COL4A1: variants seen among roughly 807,000 people sequenced by gnomAD.
COL4A1 encodes collagen alpha-1(IV) chain.
COL4A1 carries 40 observed loss-of-function variants against 216.6 expected under a neutral mutation model. That is an observed-to-expected ratio of 0.18 (90% CI 0.14 to 0.24). The LOEUF is 0.24. Ranked by LOEUF, COL4A1 falls within the 10% of genes least tolerant of loss-of-function variation. The pLI is 1.00. For missense variants in COL4A1, 1,628 were observed against 2,196.8 expected, an observed-to-expected ratio of 0.74 and a Z score of 5.18; for synonymous variants, 839 against 810.7, an observed-to-expected ratio of 1.03 and a Z score of -0.59.
Position 110,255,572 on chromosome 13 carries a change from AGGGG to A in COL4A1, c.85-12842_85-12839del, listed in dbSNP as rs1374123466. Among the ~76,000 whole-genome samples the A allele has an allele frequency of 2.1e-3, 85 of 41,338 alleles. 13 individuals are homozygous for A. Among genetic ancestry groups the A allele is most frequent in the East Asian group, 5.5e-3 (10 of 1,830 alleles). The allele number at this position is 41,338 out of a possible 152,430, so 27.1% of individuals were successfully genotyped here. A position where few individuals can be genotyped will look rare whatever the true frequency, so the allele number is the denominator to read the frequency against. ...AAGGGAAGGGGGCAGGCAGGAAGGG[AGGGG>A]GCAGGCAGGCAGGAAGGGAAGGGGG... is the stretch of plus-strand genomic sequence containing the variant. On this transcript the variant is annotated intron_variant, in intron 1 of 51. Coordinates refer to ENST00000375820, the MANE Select transcript of COL4A1 (RefSeq NM_001845.6).
intron 1 of COL4A1, among the ~76,000 whole-genome samples, chr13:110,300,828 C>A (rs189690620): frequency 9.9e-5 from 15 of 152,282 alleles, no homozygotes; most frequent in African/African-American, 3.6e-4. Context: ...AATAGCTCTC[C>A]TTTATCAGGT....
rs151186561 is a variant in COL4A1 at position 110,192,858 on chromosome 13, G to A, written c.1437C>T (p.Pro479=). The A allele has an allele frequency of 2.6e-4, 420 of 1,614,032 alleles. 1 individual carries two copies. Among genetic ancestry groups the A allele is most frequent in the Admixed American group, 5.7e-4 (34 of 60,016 alleles). Residue 479 remains proline (P), a synonymous_variant, in exon 23 of 52, where the codon CCC becomes CCT. Coordinates refer to ENST00000375820, the MANE Select transcript of COL4A1 (RefSeq NM_001845.6). The part of the protein sequence containing the change: ...ICDIDGYRGP[P]GPQGPPGEIG... ...TTTCTCCCGGGGGTCCCTGTGGCCC[G>A]GGAGGCCCCCGATATCCGTCTATAT...
intron 1 of COL4A1, among the ~76,000 whole-genome samples, chr13:110,243,386 T>C: frequency 6.6e-6 from 1 of 152,102 alleles, no homozygotes; most frequent in East Asian, 1.9e-4. Flanking sequence ...GGCGTGATCT[T>C]GGCACACTGC....
At chr13:110,169,479 G>T in intron 43 of COL4A1, 150 bp downstream of exon 43, 1 of 1,332,500 alleles carries the variant, frequency 7.5e-7, no homozygotes, top group Non-Finnish European at 1.0e-6. Flanking sequence ...AACTGATTTA[G>T]TGGGGATGTG....
chr13:110,188,552 T>A, intron 24 of COL4A1, among the ~76,000 whole-genome samples: 1 of 152,238 alleles, frequency 6.6e-6, no homozygotes, highest in East Asian at 1.9e-4. Context: ...AGTGAGCTGA[T>A]AGATCCAAGA....
intron 18 of COL4A1, among the ~76,000 whole-genome samples, chr13:110,202,826 T>C (rs1352368256): frequency 6.6e-6 from 1 of 152,228 alleles, no homozygotes; most frequent in African/African-American, 2.4e-5. Flanking sequence ...AAATGTTATT[T>C]GCAAAAATAA....
chr13:110,198,794 T>C (rs1318299668), intron 20 of COL4A1, among the ~76,000 whole-genome samples, 163 bp from the exon 21 acceptor site: 2 of 152,244 alleles, frequency 1.3e-5, no homozygotes, highest in Non-Finnish European at 2.9e-5. Context: ...GCAGGTGTCT[T>C]GCCATTTCAT....
intron 1 of COL4A1, among the ~76,000 whole-genome samples, chr13:110,255,015 C>T (rs1018984281): frequency 2.0e-5 from 3 of 152,170 alleles, no homozygotes; most frequent in East Asian, 1.9e-4. Flanking sequence ...GAAGCTGTGG[C>T]CCCTACCACG....
At chr13:110,182,179 C>T (rs1168669653) in intron 28 of COL4A1, among the ~76,000 whole-genome samples, 1 of 152,186 alleles carries the variant, frequency 6.6e-6, no homozygotes, top group East Asian at 1.9e-4. Context: ...TGCTCTGCTG[C>T]CCGCCCAGCC....
intron 2 of COL4A1, among the ~76,000 whole-genome samples, chr13:110,216,928 C>T (rs999581914): frequency 1.3e-5 from 2 of 152,298 alleles, no homozygotes; most frequent in African/African-American, 4.8e-5. Flanking sequence ...CCAGACCTTG[C>T]TTTTACCGCA....
chr13:110,290,249 C>T (rs577209233), intron 1 of COL4A1, among the ~76,000 whole-genome samples: 81 of 152,340 alleles, frequency 5.3e-4, no homozygotes, highest in Admixed American at 5.0e-3. Flanking sequence ...CACAGACACA[C>T]GTGAGCGCGT....
At chr13:110,263,131 A>G (rs543118380) in intron 1 of COL4A1, among the ~76,000 whole-genome samples, 1 of 152,212 alleles carries the variant, frequency 6.6e-6, no homozygotes, top group Non-Finnish European at 1.5e-5. Context: ...ACTCAAAGCC[A>G]AGAATACACA....
chr13:110,241,255 C>T (rs1269663536), intron 2 of COL4A1, among the ~76,000 whole-genome samples: 10 of 152,282 alleles, frequency 6.6e-5, no homozygotes, highest in South Asian at 6.2e-4. Flanking sequence ...CAAGGCCTGC[C>T]GGCTGGACAG....
intron 1 of COL4A1, among the ~76,000 whole-genome samples, chr13:110,299,160 G>A (rs2139321172): frequency 6.6e-6 from 1 of 152,360 alleles, no homozygotes; most frequent in African/African-American, 2.4e-5. Context: ...CAGCCTCAAA[G>A]TGAGTGCAAA....
chr13:110,276,280 G>A (rs997960957), intron 1 of COL4A1, among the ~76,000 whole-genome samples: 4 of 152,156 alleles, frequency 2.6e-5, no homozygotes, highest in African/African-American at 4.8e-5. Context: ...CCCAGATTGC[G>A]AAACAGTGGA....
intron 1 of COL4A1, among the ~76,000 whole-genome samples, chr13:110,262,890 C>T (rs1475139955): frequency 2.6e-5 from 4 of 152,184 alleles, no homozygotes; most frequent in Admixed American, 6.5e-5. Flanking sequence ...AGGAGTCCAT[C>T]AACACTTGTG....
chr13:110,174,096 G>C, intron 39 of COL4A1, 98 bp from the exon 40 acceptor site: 1 of 1,323,700 alleles, frequency 7.6e-7, no homozygotes, highest in Middle Eastern at 1.8e-4. Context: ...TAAGGGAGCT[G>C]TTCCCTCCCA....
rs1396040382 is a variant in COL4A1 at position 110,167,192 on chromosome 13, A to C, written c.3915T>G (p.Gly1305=). The C allele has an allele frequency of 1.9e-6, 3 of 1,613,956 alleles. No individual in the cohort carries two copies. In the Admixed American group the frequency reaches 5.0e-5, roughly 27 times the overall value. ...GGSPGITGSK[G]DMGPPGVPGF... ...CTGGAACTCCTGGAGGCCCCATATCACCCTTAGAGCCTGTGATTCCTGGAG... is the reference window on the plus strand; with the variant it reads ...CTGGAACTCCTGGAGGCCCCATATCCCCCTTAGAGCCTGTGATTCCTGGAG... Residue 1305 remains glycine, a synonymous_variant, in exon 44 of 52, where the codon GGT becomes GGG. Coordinates refer to ENST00000375820, the MANE Select transcript of COL4A1 (RefSeq NM_001845.6).
intron 1 of COL4A1, among the ~76,000 whole-genome samples, chr13:110,246,604 A>G (rs1316766713): frequency 1.3e-5 from 2 of 152,184 alleles, no homozygotes; most frequent in African/African-American, 4.8e-5. Flanking sequence ...ACTCCCAGAA[A>G]AATCTAAAGC....
Sources: allele counts gnomAD v4.1 joint callset (sites outside exome capture counted in the v4.1 genomes callset), GRCh38; gene constraint gnomAD v4.1.1; transcripts MANE v1.5; gene names NCBI Gene and HGNC (gene_info 2026-07-23, HGNC 2026-07-21).